Variants in HTRA1 observed in about 807,000 individuals in gnomAD.
HTRA1 encodes the protein HtrA serine peptidase 1.
In HTRA1, 26 loss-of-function variants were observed where a neutral mutation model predicts 49.7. The observed-to-expected ratio is 0.52, with a 90% CI of 0.38 to 0.73. HTRA1 has a LOEUF of 0.73. HTRA1 is among the 30% of genes least tolerant of loss of function. The pLI is 0.00. For synonymous variants in HTRA1, 291 were observed against 286.9 expected, an observed-to-expected ratio of 1.01 and a Z score of -0.14; for missense variants, 561 against 667.2, an observed-to-expected ratio of 0.84 and a Z score of 1.75.
intron 1 of HTRA1, among the ~76,000 whole-genome samples, chr10:122,478,992 G>T (rs1235963449): frequency 6.6e-6 from 1 of 152,248 alleles, no homozygotes; most frequent in Non-Finnish European, 1.5e-5. Context: ...ATCTAGGACA[G>T]TGCATTAAAA....
rs544395432 is a variant in HTRA1, at chr10:122,500,586, A to G, written c.778-6105A>G. 1.5e-4 allele frequency among the ~76,000 whole-genome samples: 23 copies of G among 152,308 alleles called. 1 individual carries two copies. The East Asian group carries it at 4.2e-3, about 28-fold the overall frequency. ...CTGTCTGGGACAGTGTTCTCTCAGC[A>G]TACGTGGAGCCTGAGGGGGTAATGT... On this transcript the variant is annotated intron_variant, in intron 3 of 8. Transcript: ENST00000368984.
At chr10:122,510,991 A>T (rs1253619064) in intron 7 of HTRA1, among the ~76,000 whole-genome samples, 1 of 152,144 alleles carries the variant, frequency 6.6e-6, no homozygotes, top group East Asian at 1.9e-4. Flanking sequence ...GTAGGGAAAG[A>T]TGGTAAGCCC....
At chr10:122,475,865 C>T (rs2097488247) in intron 1 of HTRA1, among the ~76,000 whole-genome samples, 1 of 152,182 alleles carries the variant, frequency 6.6e-6, no homozygotes, top group African/African-American at 2.4e-5. Flanking sequence ...GCCTCCATGC[C>T]CCAGACCAGT....
At chr10:122,505,151 C>T (rs2097502520) in intron 3 of HTRA1, among the ~76,000 whole-genome samples, 1 of 152,210 alleles carries the variant, frequency 6.6e-6, no homozygotes, top group Non-Finnish European at 1.5e-5. Context: ...ACGTTAGTCC[C>T]ATTTTCCAGA....
chr10:122,506,870 C>G lies in HTRA1; in HGVS notation c.957C>G (p.Thr319=), dbSNP rs373287445. Residue 319 remains threonine, a synonymous_variant, in exon 4 of 9, where the codon ACC becomes ACG. Transcript: ENST00000368984. This position sits in a 1 kb window ranked among gnomAD's most constrained non-coding sequence, Gnocchi z 5.2. The part of the protein sequence containing the change: ...LRNSDMDYIQ[T]DAIINYGNSG... ...ACTCAGACATGGACTACATCCAGAC[C>G]GACGCCATCATCAACGTGAGCCTCT... 5.0e-6 allele frequency: 8 copies of G among 1,613,370 alleles called. No individual in the cohort carries two copies. In the African/African-American group the frequency reaches 8.0e-5, roughly 16 times the overall value.
At chr10:122,511,948 G>A (rs1420380856) in intron 7 of HTRA1, 22 bp from the exon 8 acceptor site, 7 of 1,594,326 alleles carry the variant, frequency 4.4e-6, no homozygotes, top group Non-Finnish European at 5.2e-6. Flanking sequence ...ACACTAACAC[G>A]GGTGCTTTTT....
At chr10:122,492,325 A>C (rs2097496234) in intron 3 of HTRA1, among the ~76,000 whole-genome samples, 1 of 152,038 alleles carries the variant, frequency 6.6e-6, no homozygotes, top group South Asian at 2.1e-4. Flanking sequence ...CTTCATAAAC[A>C]TGTTTATTTC....
intron 3 of HTRA1, among the ~76,000 whole-genome samples, chr10:122,504,970 G>A (rs776478587): frequency 2.6e-5 from 4 of 152,212 alleles, no homozygotes; most frequent in Admixed American, 6.5e-5. Flanking sequence ...TGGGTGACAC[G>A]GGCTGGCTGT....
chr10:122,467,093 C>A (rs150472259), intron 1 of HTRA1, among the ~76,000 whole-genome samples: 8 of 152,320 alleles, frequency 5.3e-5, no homozygotes, highest in Admixed American at 2.0e-4. Context: ...TGATGGCCTC[C>A]GCTTTGGGGC....
chr10:122,481,231 G>A (rs2097490853), intron 1 of HTRA1, among the ~76,000 whole-genome samples: 1 of 152,116 alleles, frequency 6.6e-6, no homozygotes, highest in Non-Finnish European at 1.5e-5. Flanking sequence ...GGTGTCCCTG[G>A]AGACCACACA....
intron 3 of HTRA1, among the ~76,000 whole-genome samples, chr10:122,502,526 G>A (rs751500068): frequency 1.3e-5 from 2 of 152,186 alleles, no homozygotes; most frequent in African/African-American, 2.4e-5. Context: ...CTGGATGGCC[G>A]TCTAGGACAT....
At chr10:122,471,096 C>A (rs12571363) in intron 1 of HTRA1, among the ~76,000 whole-genome samples, 11,042 of 152,242 alleles carry the variant, frequency 0.073, 498 homozygotes, top group Non-Finnish European at 0.095. Context: ...TGGCCTGCAT[C>A]CTGTGTTCTT....
chr10:122,511,922 G>A (rs2097505833), intron 7 of HTRA1, 48 bp from the exon 8 acceptor site: 3 of 1,378,488 alleles, frequency 2.2e-6, no homozygotes, highest in South Asian at 2.3e-5. Context: ...GCGTGAGGAA[G>A]GCCTGGTGTT....
At chr10:122,509,153 A>G (rs1171557231) in intron 6 of HTRA1, among the ~76,000 whole-genome samples, 1 of 152,186 alleles carries the variant, frequency 6.6e-6, no homozygotes, top group East Asian at 1.9e-4. Context: ...TTATTGCCCC[A>G]TCTGCTCTAA....
Position 122,461,619 on chromosome 10 carries a change from G to T in HTRA1, c.-34G>T. On this transcript the variant is annotated 5_prime_UTR_variant, in exon 1 of 9. Transcript: ENST00000368984. ...GGCGCCGCTCTCCGGCCCTCGCCCT[G>T]TCCGCCGCCACCGCCGCCGCCGCCA... 1 of 1,263,532 alleles carries T rather than the reference G, an allele frequency of 7.9e-7. No individual in the cohort carries two copies. The highest frequency in any genetic ancestry group is 1.4e-5 in the South Asian group (1 of 72,726). 78.3% of individuals were successfully genotyped at this position (1,263,532 alleles called of 1,614,324 possible).
chr10:122,496,623 G>A (rs913340075), intron 3 of HTRA1, among the ~76,000 whole-genome samples: 5 of 152,080 alleles, frequency 3.3e-5, no homozygotes, highest in Non-Finnish European at 7.4e-5. Flanking sequence ...AGGGGTAGAA[G>A]GTATCAGGCT....
chr10:122,476,490 A>G (rs1317186812), intron 1 of HTRA1, among the ~76,000 whole-genome samples: 1 of 152,142 alleles, frequency 6.6e-6, no homozygotes, highest in African/African-American at 2.4e-5. Context: ...GCTCGTCCAG[A>G]GGGGTGGAGC....
chr10:122,469,674 G>C lies in HTRA1; in HGVS notation c.472+7550G>C, dbSNP rs147798416. 1.6e-3 allele frequency among the ~76,000 whole-genome samples: 247 copies of C among 152,250 alleles called. 1 individual carries two copies. The highest frequency in any genetic ancestry group is 5.8e-3 in the African/African-American group (239 of 41,540). ...TCTTACCTTGTAGCCACCCAGAGAGGCAGGGCATTATCCTTGCTTCCTAGC... is the reference window on the plus strand; with the variant it reads ...TCTTACCTTGTAGCCACCCAGAGAGCCAGGGCATTATCCTTGCTTCCTAGC... On this transcript the variant is annotated intron_variant, in intron 1 of 8. Coordinates refer to ENST00000368984, the MANE Select transcript of HTRA1 (RefSeq NM_002775.5).
chr10:122,510,321 C>T (rs2097505041), intron 7 of HTRA1, among the ~76,000 whole-genome samples, 168 bp downstream of exon 7: 1 of 152,170 alleles, frequency 6.6e-6, no homozygotes, highest in Admixed American at 6.5e-5. Context: ...AGCCTTGGCC[C>T]CTTTGTTTGG....
Sources: allele counts gnomAD v4.1 joint callset (sites outside exome capture counted in the v4.1 genomes callset), GRCh38; gene constraint gnomAD v4.1.1; non-coding constraint Gnocchi (gnomAD v3.1); transcripts MANE v1.5; gene names NCBI Gene and HGNC (gene_info 2026-07-23, HGNC 2026-07-21).